Variants in CCDC93 observed in about 807,000 individuals in gnomAD.
The protein encoded by CCDC93 is coiled-coil domain-containing protein 93.
In CCDC93, 61 loss-of-function variants were observed where a neutral mutation model predicts 108.2. That is an observed-to-expected ratio of 0.56 (90% CI 0.46 to 0.70). CCDC93 has a LOEUF of 0.70. CCDC93 is among the 30% of genes least tolerant of loss of function. The pLI, the probability that CCDC93 is intolerant of heterozygous loss-of-function variation, is 0.00. For synonymous variants in CCDC93, 276 were observed against 260.4 expected (o/e 1.06, Z -0.58); for missense variants, 685 against 764.2 (o/e 0.90, Z 1.22).
chr2:117,974,094 AAAAC>A, intron 10 of CCDC93, 100 bp from the exon 11 acceptor site: 1 of 782,360 alleles, frequency 1.3e-6, no homozygotes, highest in Non-Finnish European at 2.2e-6. Context: ...CTATTATGGT[AAAAC>A]ATAATATTCC....
intron 23 of CCDC93, among the ~76,000 whole-genome samples, chr2:117,922,235 C>G (rs1677894563): frequency 1.3e-5 from 2 of 152,148 alleles, no homozygotes; most frequent in Admixed American, 6.5e-5. Context: ...CTAGGCGATG[C>G]TTGTACTTTT....
intron 4 of CCDC93, chr2:117,999,712 C>T (rs1680775503): frequency 6.6e-6 from 1 of 152,166 alleles, no homozygotes; most frequent in Non-Finnish European, 1.5e-5. Flanking sequence ...AACACATCCT[C>T]CCCTATATTT....
chr2:117,951,798 C>A, intron 13 of CCDC93: 5 of 553,968 alleles, frequency 9.0e-6, no homozygotes, highest in Non-Finnish European at 1.2e-5. Flanking sequence ...AAGTGAGCAG[C>A]GACAATGCTG....
intron 21 of CCDC93, 43 bp from the exon 22 acceptor site, chr2:117,935,622 C>T (rs919453632): frequency 2.0e-5 from 28 of 1,411,434 alleles, no homozygotes; most frequent in Non-Finnish European, 2.8e-5. Flanking sequence ...ACACAGGACT[C>T]TGAGGCAGGG....
chr2:117,978,151 T>C, intron 7 of CCDC93, 121 bp from the exon 8 acceptor site: 2 of 889,536 alleles, frequency 2.2e-6, no homozygotes, highest in South Asian at 1.4e-5. Context: ...ATTTGGTGAC[T>C]TGAGAAAACG....
intron 11 of CCDC93, among the ~76,000 whole-genome samples, chr2:117,966,689 T>C (rs1419557982): frequency 6.6e-6 from 1 of 152,246 alleles, no homozygotes; most frequent in Non-Finnish European, 1.5e-5. Context: ...CTTTCCTTTG[T>C]GTTTTTTCAT....
chr2:117,944,159 G>T, intron 17 of CCDC93, 73 bp from the exon 18 acceptor site: 1 of 1,104,926 alleles, frequency 9.1e-7, no homozygotes, highest in South Asian at 1.5e-5. Context: ...TTTGAAAGTT[G>T]AATATGTTTT....
At chr2:117,953,405 G>T (rs187559577) in intron 12 of CCDC93, among the ~76,000 whole-genome samples, 8 of 152,260 alleles carry the variant, frequency 5.3e-5, no homozygotes, top group Non-Finnish European at 8.8e-5. Context: ...GGTGGGTTCT[G>T]GTGCCCCCCT....
At chr2:118,008,494 CA>C (rs1558808121) in intron 2 of CCDC93, 50 bp downstream of exon 2, 1 of 1,008,984 alleles carries the variant, frequency 9.9e-7, no homozygotes, top group Non-Finnish European at 1.5e-6. Context: ...CATGATTAAC[CA>C]TGTCATTCTG....
At chr2:117,957,472 T>C (rs563417930) in intron 12 of CCDC93, among the ~76,000 whole-genome samples, 3 of 152,316 alleles carry the variant, frequency 2.0e-5, no homozygotes, top group South Asian at 2.1e-4. Flanking sequence ...GTCTAGACTA[T>C]TGCATCAGCC....
intron 11 of CCDC93, among the ~76,000 whole-genome samples, chr2:117,960,618 A>G (rs913332108): frequency 2.0e-5 from 3 of 152,226 alleles, no homozygotes; most frequent in African/African-American, 7.2e-5. Context: ...TTCAGACTTC[A>G]CTTACAAGAA....
At chr2:117,970,432 T>C (rs1679723717) in intron 11 of CCDC93, among the ~76,000 whole-genome samples, 1 of 151,754 alleles carries the variant, frequency 6.6e-6, no homozygotes, top group East Asian at 1.9e-4. Context: ...GGAAAAACAA[T>C]GAACCTCTCA....
At chr2:117,999,995 G>A (rs1680790515) in intron 4 of CCDC93, 1 of 152,104 alleles carries the variant, frequency 6.6e-6, no homozygotes, top group Admixed American at 6.6e-5. Context: ...TTAATCATAG[G>A]GGTTTGGGAA....
At chr2:117,972,424 T>C (rs1016169581) in intron 11 of CCDC93, among the ~76,000 whole-genome samples, 1 of 152,146 alleles carries the variant, frequency 6.6e-6, no homozygotes, top group Non-Finnish European at 1.5e-5. Flanking sequence ...GAAGGAGACG[T>C]GTAAAATGCA....
chr2:117,955,016 T>C (rs1407914865), intron 12 of CCDC93, among the ~76,000 whole-genome samples: 2 of 152,164 alleles, frequency 1.3e-5, no homozygotes, highest in African/African-American at 4.8e-5. Context: ...TAAACCTCTT[T>C]CCTTTATAAA....
chr2:117,964,098 C>G (rs1260160804), intron 11 of CCDC93, among the ~76,000 whole-genome samples: 1 of 152,156 alleles, frequency 6.6e-6, no homozygotes, highest in Non-Finnish European at 1.5e-5. Flanking sequence ...TCCAGATTTA[C>G]AGGGTTCCTT....
chr2:118,012,960 T>TCAC (rs2104840804), intron 1 of CCDC93: 1 of 152,240 alleles, frequency 6.6e-6, no homozygotes, highest in South Asian at 2.1e-4. Context: ...AAGGGACGAC[T>TCAC]CACCACGTCA....
At chr2:117,961,264 T>C (rs1026311242) in intron 11 of CCDC93, among the ~76,000 whole-genome samples, 1 of 152,146 alleles carries the variant, frequency 6.6e-6, no homozygotes, top group Non-Finnish European at 1.5e-5. Flanking sequence ...GAAATCTCTA[T>C]AGGTACCTCT....
intron 17 of CCDC93, chr2:117,944,751 G>A (rs1678815077): frequency 4.2e-6 from 2 of 471,168 alleles, no homozygotes; most frequent in Non-Finnish European, 8.8e-6. Context: ...CTCAGCTGCA[G>A]GCAAAATCCA....
Sources: allele counts gnomAD v4.1 joint callset (sites outside exome capture counted in the v4.1 genomes callset), GRCh38; gene constraint gnomAD v4.1.1; transcripts MANE v1.5; gene names NCBI Gene and HGNC (gene_info 2026-07-23, HGNC 2026-07-21).